Variants in TBX10 observed in about 807,000 individuals in gnomAD.
TBX10 encodes T-box transcription factor TBX10.
Under a neutral mutation model 32.4 loss-of-function variants are expected in TBX10, and 26 were observed. The ratio of observed to expected loss-of-function variants is 0.80; its 90% confidence interval spans 0.59 to 1.11. TBX10 has a LOEUF of 1.11. Among genes scored for constraint, TBX10 ranks in the 50% most tolerant of loss-of-function variants. The pLI is 0.00. For missense variants in TBX10, 490 were observed against 494.5 expected (o/e 0.99, Z 0.09); for synonymous variants, 195 against 203.1 (o/e 0.96, Z 0.34).
At chr11:67,632,896 C>T in intron 5 of TBX10, 52 bp downstream of exon 5, 1 of 1,613,796 alleles carries the variant, frequency 6.2e-7, no homozygotes, top group Non-Finnish European at 8.5e-7. Context: ...GGCTCAGTCT[C>T]CACCCCTGTG....
In TBX10 at chr11:67,631,808, G is replaced by A. The variant is rs761628835; in HGVS notation, c.955C>T (p.Pro319Ser). 6.3e-7 allele frequency: 1 copy of A among 1,589,940 alleles called. No homozygotes were observed. Among genetic ancestry groups the A allele is most frequent in the African/African-American group, 1.3e-5 (1 of 74,866 alleles). The part of the protein sequence containing the change: ...LLPPPEVLLA[P>S]ATYRPVTYQS... Reference sequence around the variant, plus strand: ...TACGTGACAGGCCTGTAGGTGGCCGGGGCCAGCAGGACCTCAGGTGGGGGC... The same window carrying A: ...TACGTGACAGGCCTGTAGGTGGCCGAGGCCAGCAGGACCTCAGGTGGGGGC... Residue 319 changes from proline (P) to serine (S), a missense_variant, in exon 8 of 8, where the codon CCG (proline) becomes TCG (serine). Physicochemically the swap from Pro to Ser is moderately conservative, Grantham distance 74. This residue lies in a region of TBX10 where 177 missense variants were observed against 176.6 expected (regional missense o/e 1.00). Coordinates refer to ENST00000335385, the MANE Select transcript of TBX10 (RefSeq NM_005995.5).
At chr11:67,641,410 A>G (rs894345288), upstream of TBX10, among the ~76,000 whole-genome samples, 1 of 152,154 alleles carries the variant, frequency 6.6e-6, no homozygotes, top group Non-Finnish European at 1.5e-5. Flanking sequence ...CTTACCACAC[A>G]GCACGCGCAC....
intron 1 of TBX10, among the ~76,000 whole-genome samples, chr11:67,637,614 C>T (rs1855348824): frequency 6.6e-6 from 1 of 152,190 alleles, no homozygotes; most frequent in Non-Finnish European, 1.5e-5. Flanking sequence ...AAGGTAAAAA[C>T]ACCTTCAAAT....
chr11:67,640,245 C>A (rs573358140), upstream of TBX10, among the ~76,000 whole-genome samples: 7 of 152,374 alleles, frequency 4.6e-5, no homozygotes, highest in East Asian at 1.2e-3. Flanking sequence ...CGCACAGACA[C>A]ATGGATGAAC....
chr11:67,639,679 C>G lies in TBX10; in HGVS notation c.-207G>C, dbSNP rs557693035. On this transcript the variant is annotated 5_prime_UTR_variant, in exon 1 of 8. Coordinates refer to ENST00000335385, the MANE Select transcript of TBX10 (RefSeq NM_005995.5). The stretch of plus-strand genomic sequence containing the variant: ...GTCCTGAGGTCGTGGTCTTCCTACT[C>G]GAGCTGGACCCCTGGTCTCCGAAGG... The G allele has an allele frequency of 9.1e-5, 60 of 660,980 alleles. No homozygotes were observed. The highest frequency in any genetic ancestry group is 1.5e-4 in the Non-Finnish European group (55 of 370,286). The allele number at this position is 660,980 out of a possible 1,614,324, so 40.9% of individuals were successfully genotyped here.
At chr11:67,640,433 T>C (rs114312453), upstream of TBX10, among the ~76,000 whole-genome samples, 1 of 152,106 alleles carries the variant, frequency 6.6e-6, no homozygotes, top group African/African-American at 2.4e-5. Context: ...GGAATCCCCA[T>C]CTGGACATGA....
At position 67,639,347 on chromosome 11, in the gene TBX10, C is replaced by A. The variant is rs1265397081; in HGVS notation, c.7+119G>T. On this transcript the variant is annotated intron_variant, in intron 1 of 7. Transcript: ENST00000335385. ...CAGACCTTAGCCTGGGGTGCCCCTG[C>A]CCCACCCTCTTGTGAAGGACCTGGG... 2.1e-6 allele frequency: 3 copies of A among 1,453,700 alleles called. No homozygotes were observed. The Admixed American group carries it at 5.5e-5, about 26-fold the overall frequency. The allele number at this position is 1,453,700 out of a possible 1,614,324, so 90.1% of individuals were successfully genotyped here. A position where few individuals can be genotyped will look rare whatever the true frequency, so the allele number is the denominator to read the frequency against.
At chr11:67,641,616 T>G (rs1247729533), upstream of TBX10, among the ~76,000 whole-genome samples, 1 of 152,022 alleles carries the variant, frequency 6.6e-6, no homozygotes, top group Non-Finnish European at 1.5e-5. Flanking sequence ...CGCAGGGAAA[T>G]GGATGGGCAG....
At position 67,635,094 on chromosome 11, in the gene TBX10, G is replaced by T. The variant is rs748202526; in HGVS notation, c.177C>A (p.Asn59Lys). 26 of 1,613,742 alleles carry T rather than the reference G, an allele frequency of 1.6e-5. No homozygotes were observed. Among genetic ancestry groups the T allele is most frequent in the Non-Finnish European group, 2.1e-5 (25 of 1,180,046 alleles). ...GAACTGTCACTCTGGACACACGTGG[G>T]TTCTTGGGGCCCTGCCCAGTGGGCT... ...VAEPTGQGPK[N>K]PRVSRVTVQL... The change falls in exon 2 of 8, where the codon AAC (asparagine) becomes AAA (lysine). Residue 59 changes from asparagine (N) to lysine (K), a missense_variant. Around this residue, in one of 3 missense-constraint regions of TBX10, gnomAD observed 307 missense variants for 294.9 expected, o/e 1.04. Transcript: ENST00000335385.
In TBX10 at chr11:67,632,307, T is replaced by C; in HGVS notation, c.868+11A>G. 6.2e-7 allele frequency: 1 copy of C among 1,613,160 alleles called. No homozygotes were observed. Among genetic ancestry groups the C allele is most frequent in the South Asian group, 1.1e-5 (1 of 91,084 alleles). On this transcript the variant is annotated intron_variant, in intron 7 of 7. Coordinates refer to ENST00000335385, the MANE Select transcript of TBX10 (RefSeq NM_005995.5). The stretch of plus-strand genomic sequence containing the variant: ...CTTAGTCCCACTATGTCTGCAGGCC[T>C]GGGGCCTTACCTTTCTCCCTGTCTG...
chr11:67,637,163 G>A (rs1855343234), intron 1 of TBX10, among the ~76,000 whole-genome samples: 3 of 152,232 alleles, frequency 2.0e-5, no homozygotes, highest in Admixed American at 2.0e-4. Context: ...TAGAATGGTG[G>A]TTGCCAGGGG....
chr11:67,631,715 G>C lies in TBX10; in HGVS notation c.1048C>G (p.Leu350Val). The C allele has an allele frequency of 6.2e-7, 1 of 1,609,976 alleles. No individual in the cohort carries two copies. The highest frequency in any genetic ancestry group is 8.5e-7 in the Non-Finnish European group (1 of 1,178,704). ...TCCCTATCAGCCCGGATGTTGGGGA[G>C]GGGGTATGGTGCTGGTCGGGTCCTT... ...IPRTRPAPYP[L>V]PNIRADRDQG... Residue 350 changes from leucine to valine, a missense_variant, in exon 8 of 8, where the codon CTC (leucine) becomes GTC (valine). Leu to Val is a conservative substitution (Grantham distance 32). Around this residue, in one of 3 missense-constraint regions of TBX10, gnomAD observed 177 missense variants for 176.6 expected, o/e 1.00. Coordinates refer to ENST00000335385, the MANE Select transcript of TBX10 (RefSeq NM_005995.5).
upstream of TBX10, among the ~76,000 whole-genome samples, chr11:67,641,446 C>A (rs1373202642): frequency 6.6e-6 from 1 of 152,240 alleles, no homozygotes; most frequent in Non-Finnish European, 1.5e-5. Context: ...TCCCTGCACA[C>A]CCCTCCCCGG....
At chr11:67,640,545 T>C (rs150419611), upstream of TBX10, among the ~76,000 whole-genome samples, 186 of 152,306 alleles carry the variant, frequency 1.2e-3, 3 homozygotes, top group African/African-American at 4.3e-3. Context: ...CCAGGTTGTC[T>C]ACAGCCTGTG....
chr11:67,638,861 C>T (rs1201605755), intron 1 of TBX10, among the ~76,000 whole-genome samples: 3 of 152,272 alleles, frequency 2.0e-5, no homozygotes, highest in East Asian at 3.9e-4. Context: ...CCTGCTGGGG[C>T]GGGTACGTCA....
chr11:67,639,335 G>A (rs926591104), intron 1 of TBX10, 131 bp downstream of exon 1: 8 of 1,319,456 alleles, frequency 6.1e-6, no homozygotes, highest in Non-Finnish European at 8.5e-6. Flanking sequence ...ACCTTAGCCT[G>A]GGGTGCCCCT....
intron 7 of TBX10, 39 bp from the exon 8 acceptor site, chr11:67,631,933 C>T (rs1361642412): frequency 6.4e-7 from 1 of 1,553,466 alleles, no homozygotes; most frequent in Non-Finnish European, 8.7e-7. Flanking sequence ...CCTCCCATCG[C>T]ATCCTCATCC....
chr11:67,632,570 G>T (rs1351359340), intron 6 of TBX10, 33 bp downstream of exon 6: 4 of 1,610,876 alleles, frequency 2.5e-6, no homozygotes, highest in Middle Eastern at 1.6e-4. Context: ...CCTGGGGTGG[G>T]GGTGAGGGGC....
intron 1 of TBX10, among the ~76,000 whole-genome samples, chr11:67,639,004 G>A (rs939460421): frequency 2.6e-5 from 4 of 152,182 alleles, no homozygotes; most frequent in Admixed American, 1.3e-4. Context: ...CCCGCTGCCC[G>A]TCGCAGCCAA....
Sources: gnomAD v4.1 joint callset for allele counts (sites outside exome capture counted in the v4.1 genomes callset) on GRCh38, gnomAD v4.1.1 for gene constraint, gnomAD v4.1.1 regional missense constraint, MANE v1.5 for transcripts, NCBI Gene and HGNC (gene_info 2026-07-23, HGNC 2026-07-21) for gene names.